SALL4: variants seen among roughly 807,000 people sequenced by gnomAD.
SALL4 encodes sal-like protein 4.
In SALL4, 4 loss-of-function variants were observed where a neutral mutation model predicts 60.8. The observed-to-expected ratio is 0.07, with a 90% CI of 0.03 to 0.15. SALL4 has a LOEUF of 0.15. Ranked by LOEUF, SALL4 falls within the 10% of genes least tolerant of loss-of-function variation. The pLI is 1.00. For synonymous variants in SALL4, 580 were observed against 574.9 expected (o/e 1.01, Z -0.13); for missense variants, 1,178 against 1,394.7 (o/e 0.84, Z 2.48).
Position 51,790,290 on chromosome 20 carries a change from A to T in SALL4, c.2193T>A (p.Asp731Glu). The change falls in exon 2 of 4, where the codon GAT (aspartate) becomes GAA (glutamate). Residue 731 changes from aspartate to glutamate, a missense_variant. Asp to Glu is a conservative substitution (Grantham distance 45, BLOSUM62 2). Coordinates refer to ENST00000217086, the MANE Select transcript of SALL4 (RefSeq NM_020436.5). This position sits in a 1 kb window ranked among gnomAD's most constrained non-coding sequence, Gnocchi z 5.5. The part of the protein sequence containing the change: ...TLGFAMMASL[D>E]APGKVGPAPF... ...GGGCAGGACCCACTTTCCCTGGGGCATCTAAGGAAGCCATCATGGCAAACC... is the reference window on the plus strand; with the variant it reads ...GGGCAGGACCCACTTTCCCTGGGGCTTCTAAGGAAGCCATCATGGCAAACC... 1 of 1,614,192 alleles carries T rather than the reference A, an allele frequency of 6.2e-7. No homozygotes were observed.
At position 51,790,246 on chromosome 20, in the gene SALL4, T is replaced by A; in HGVS notation, c.2237A>T (p.Gln746Leu). 1 of 1,614,180 alleles carries A rather than the reference T, an allele frequency of 6.2e-7. No individual in the cohort carries two copies. Among genetic ancestry groups the A allele is most frequent in the South Asian group, 1.1e-5 (1 of 91,084 alleles). The change falls in exon 2 of 4, where the codon CAG becomes CTG. Residue 746 changes from glutamine (Q) to leucine (L), a missense_variant. Physicochemically the swap from Gln to Leu is moderately radical, Grantham distance 113. This residue lies in a region of SALL4 where 853 missense variants were observed against 1,036.8 expected (regional missense o/e 0.82). Coordinates refer to ENST00000217086, the MANE Select transcript of SALL4 (RefSeq NM_020436.5). The surrounding 1 kb of genome is among the most constrained non-coding windows in gnomAD (Gnocchi z 5.5). ...VGPAPFNLQR[Q>L]GSRENGSVES... ...CACGGAACCGTTTTCTCTGCTGCCC[T>A]GGCGCTGCAGGTTAAAAGGGGCAGG...
rs1016154097 is a variant in SALL4, at chr20:51,802,424, G to T, written c.-16C>A. The T allele has an allele frequency of 1.2e-6, 2 of 1,612,626 alleles. No individual in the cohort carries two copies. The highest frequency in any genetic ancestry group is 1.7e-4 in the Middle Eastern group (1 of 5,886). Reference sequence around the variant, plus strand: ...GCCTCGACATGGTGCGAGCATCGGGGCGCCGGGAGAGCCGCAGTTATTTGC... The same window carrying T: ...GCCTCGACATGGTGCGAGCATCGGGTCGCCGGGAGAGCCGCAGTTATTTGC... On this transcript the variant is annotated 5_prime_UTR_variant, in exon 1 of 4. Coordinates refer to ENST00000217086, the MANE Select transcript of SALL4 (RefSeq NM_020436.5).
rs989569786 is a variant in SALL4 at position 51,801,327 on chromosome 20, A to C, written c.130+952T>G. Among the ~76,000 whole-genome samples, 34 of 152,164 alleles carry C rather than the reference A, an allele frequency of 2.2e-4. No individual in the cohort carries two copies. The highest frequency in any genetic ancestry group is 3.8e-4 in the Non-Finnish European group (26 of 68,030). ...AACGCTGGCCGCGGAAGCGTGGGCC[A>C]GGTCAGCCGCGGGAGTTCGCTCTGG... On this transcript the variant is annotated intron_variant, in intron 1 of 3. Transcript: ENST00000217086. This position sits in a 1 kb window ranked among gnomAD's most constrained non-coding sequence, Gnocchi z 5.2.
chr20:51,802,213 C>T, intron 1 of SALL4, 66 bp downstream of exon 1: 1 of 1,512,062 alleles, frequency 6.6e-7, no homozygotes, highest in South Asian at 1.3e-5. Context: ...GAAGCCTGCG[C>T]CCTCGAGGAT....
At chr20:51,796,357 T>G (rs534211589) in intron 1 of SALL4, among the ~76,000 whole-genome samples, 33 of 152,120 alleles carry the variant, frequency 2.2e-4, no homozygotes, top group African/African-American at 7.5e-4. Flanking sequence ...CTTCATACTC[T>G]TACACCTTAA....
rs1028087836 is a variant in SALL4 at position 51,792,229 on chromosome 20, G to C, written c.254C>G (p.Ser85Cys). The C allele has an allele frequency of 6.2e-7, 1 of 1,614,088 alleles. No individual in the cohort carries two copies. Among genetic ancestry groups the C allele is most frequent in the Admixed American group, 1.7e-5 (1 of 60,012 alleles). ...EKCCAEFFSISEFLEHKKNCT... is the reference protein window; with the variant it reads ...EKCCAEFFSICEFLEHKKNCT... ...ATTTTTCTTATGTTCCAGGAACTCA[G>C]AGATGCTGAAGAACTCCGCACAGCA... The change falls in exon 2 of 4, where the codon TCT becomes TGT. Residue 85 changes from serine to cysteine, a missense_variant. By Grantham distance (112) the Ser-to-Cys change is moderately radical. This residue lies in a region of SALL4 where 853 missense variants were observed against 1,036.8 expected (regional missense o/e 0.82). Transcript: ENST00000217086.
rs2078106384 is a variant in SALL4, at chr20:51,801,012, C to T, written c.130+1267G>A. On this transcript the variant is annotated intron_variant, in intron 1 of 3. Transcript: ENST00000217086. The surrounding 1 kb of genome is among the most constrained non-coding windows in gnomAD (Gnocchi z 5.2). Reference sequence around the variant, plus strand: ...GGAAACCCCGGGTATCAGAGATGGTCTCTGAGAGTCCTCCGGGGTTGCCGC... The same window carrying T: ...GGAAACCCCGGGTATCAGAGATGGTTTCTGAGAGTCCTCCGGGGTTGCCGC... Among the ~76,000 whole-genome samples the T allele has an allele frequency of 6.6e-6, 1 of 152,140 alleles. No homozygotes were observed. The highest frequency in any genetic ancestry group is 1.5e-5 in the Non-Finnish European group (1 of 68,006).
intron 3 of SALL4, among the ~76,000 whole-genome samples, chr20:51,786,865 C>A (rs1192366252): frequency 6.6e-6 from 1 of 151,896 alleles, no homozygotes; most frequent in Non-Finnish European, 1.5e-5. Context: ...GAGGCTGAGG[C>A]AGGCAGATCA....
In SALL4 at chr20:51,784,453, T is replaced by C. The variant is rs374406769; in HGVS notation, c.2974A>G (p.Ser992Gly). ...ACCGGGAGGGTAGGAACCCCCCCAC[T>C]CTGGATCACAGAGATCTCATTGGTC... is the stretch of plus-strand genomic sequence containing the variant. ...VKTNEISVIQ[S>G]GGVPTLPVSL... The change falls in exon 4 of 4, where the codon AGT becomes GGT. Residue 992 changes from serine to glycine, a missense_variant. Ser to Gly is a moderately conservative substitution (Grantham distance 56). Around this residue, in one of 5 missense-constraint regions of SALL4, gnomAD observed 174 missense variants for 169.6 expected, o/e 1.03. Coordinates refer to ENST00000217086, the MANE Select transcript of SALL4 (RefSeq NM_020436.5). 15 of 1,614,050 alleles carry C rather than the reference T, an allele frequency of 9.3e-6. No individual in the cohort carries two copies. The African/African-American group carries it at 1.6e-4, about 17-fold the overall frequency.
chr20:51,789,413 T>A (rs1341777365), intron 2 of SALL4, among the ~76,000 whole-genome samples: 1 of 152,124 alleles, frequency 6.6e-6, no homozygotes, highest in Non-Finnish European at 1.5e-5. Flanking sequence ...AATTTCTGCA[T>A]AAGAAACTAC....
intron 3 of SALL4, among the ~76,000 whole-genome samples, chr20:51,787,756 C>T (rs2078003167): frequency 1.3e-5 from 2 of 151,970 alleles, no homozygotes; most frequent in South Asian, 2.1e-4. Flanking sequence ...ATCCTCGCAC[C>T]ACCACCTCCC....
intron 1 of SALL4, among the ~76,000 whole-genome samples, chr20:51,794,595 ACAGAGACT>A (rs1350996250): frequency 6.6e-6 from 1 of 152,166 alleles, no homozygotes; most frequent in Non-Finnish European, 1.5e-5. Context: ...GATGTGAAAA[ACAGAGACT>A]CTGAGAAATA....
chr20:51,802,247 C>T (rs750491772), intron 1 of SALL4, 32 bp downstream of exon 1: 45 of 1,568,670 alleles, frequency 2.9e-5, no homozygotes, highest in Non-Finnish European at 3.5e-5. Context: ...GGGAAGCTCC[C>T]CTCCCCGGGC....
Position 51,784,019 on chromosome 20 carries a change from CAA to C in SALL4, c.*244_*245del, listed in dbSNP as rs60718711. ...TGGGTGATAGAGCGAGACTCCATCT[CAA>C]AAAAAAAGAGTCTGTATTTGTTTTG... On this transcript the variant is annotated 3_prime_UTR_variant, in exon 4 of 4. Transcript: ENST00000217086. 8.2e-6 allele frequency: 4 copies of C among 488,022 alleles called. No homozygotes were observed. Among genetic ancestry groups the C allele is most frequent in the Non-Finnish European group, 1.5e-5 (4 of 271,468 alleles). 30.2% of individuals were successfully genotyped at this position (488,022 alleles called of 1,614,324 possible).
At position 51,792,148 on chromosome 20, in the gene SALL4, G is replaced by A. The variant is rs2078049988; in HGVS notation, c.335C>T (p.Ser112Leu). The A allele has an allele frequency of 1.2e-6, 2 of 1,614,098 alleles. No individual in the cohort carries two copies. The highest frequency in any genetic ancestry group is 3.3e-5 in the Admixed American group (2 of 59,998). ...CAGTACAGCTCCGGAGAAGTCTTCT[G>A]AAGGCACAGGCCCCTCGCTGTCATT... ...IMNDSEGPVPSEDFSGAVLSH... is the reference protein window; with the variant it reads ...IMNDSEGPVPLEDFSGAVLSH... Residue 112 changes from serine (S) to leucine (L), a missense_variant, in exon 2 of 4, where the codon TCA becomes TTA. Ser to Leu is a moderately radical substitution (Grantham distance 145). Transcript: ENST00000217086.
chr20:51,793,944 G>A (rs2078064845), intron 1 of SALL4, among the ~76,000 whole-genome samples: 1 of 152,156 alleles, frequency 6.6e-6, no homozygotes, highest in Non-Finnish European at 1.5e-5. Flanking sequence ...AGCTAGGCAG[G>A]GCCAACCTAG....
chr20:51,782,602 A>T lies in SALL4; in HGVS notation c.*1663T>A, dbSNP rs562347638. 1.3e-5 allele frequency: 2 copies of T among 151,198 alleles called. No homozygotes were observed. Among genetic ancestry groups the T allele is most frequent in the East Asian group, 3.9e-4 (2 of 5,160 alleles). 9.4% of individuals were successfully genotyped at this position (151,198 alleles called of 1,614,324 possible). A position where few individuals can be genotyped will look rare whatever the true frequency, so the allele number is the denominator to read the frequency against. ...GGGGCGGAATCCTAAAGTCAGGTGC[A>T]ACGATGAAGAGACAACACTTTGGCT... is the stretch of plus-strand genomic sequence containing the variant. On this transcript the variant is annotated 3_prime_UTR_variant, in exon 4 of 4. Transcript: ENST00000217086.
chr20:51,794,805 CT>C (rs2078070220), intron 1 of SALL4, among the ~76,000 whole-genome samples: 1 of 152,182 alleles, frequency 6.6e-6, no homozygotes, highest in Non-Finnish European at 1.5e-5. Flanking sequence ...GTTAAGTAAA[CT>C]GCAGAGCCAG....
rs1273742269 is a variant in SALL4, at chr20:51,802,466, T to A, written c.-58A>T. On this transcript the variant is annotated 5_prime_UTR_variant, in exon 1 of 4. Coordinates refer to ENST00000217086, the MANE Select transcript of SALL4 (RefSeq NM_020436.5). Reference sequence around the variant, plus strand: ...GTTATTTGCCCTCTCCGCCACAAATTCCTGGAGTTGGGAAATTTACCCCCC... The same window carrying A: ...GTTATTTGCCCTCTCCGCCACAAATACCTGGAGTTGGGAAATTTACCCCCC... 1 of 1,610,576 alleles carries A rather than the reference T, an allele frequency of 6.2e-7. No individual in the cohort carries two copies. Among genetic ancestry groups the A allele is most frequent in the Non-Finnish European group, 8.5e-7 (1 of 1,179,034 alleles).
Sources: gnomAD v4.1 joint callset for allele counts (sites outside exome capture counted in the v4.1 genomes callset) on GRCh38, gnomAD v4.1.1 for gene constraint, gnomAD v4.1.1 regional missense constraint, Gnocchi (gnomAD v3.1) non-coding constraint, MANE v1.5 for transcripts, NCBI Gene and HGNC (gene_info 2026-07-23, HGNC 2026-07-21) for gene names.